Variants in SORCS3 observed in about 807,000 individuals in gnomAD.
SORCS3 encodes VPS10 domain-containing receptor SorCS3.
Under a neutral mutation model 146.3 loss-of-function variants are expected in SORCS3, and 57 were observed. The observed-to-expected ratio is 0.39, with a 90% CI of 0.31 to 0.49. SORCS3 has a LOEUF of 0.49. Among genes scored for constraint, SORCS3 ranks in the 20% least tolerant of loss-of-function variants. SORCS3 has a pLI of 0.92. For synonymous variants in SORCS3, 653 were observed against 618.5 expected (o/e 1.06, Z -0.83); for missense variants, 1,341 against 1,575.5 (o/e 0.85, Z 2.52).
intron 4 of SORCS3, among the ~76,000 whole-genome samples, chr10:105,021,677 A>G (rs978389867): frequency 2.6e-5 from 4 of 152,164 alleles, no homozygotes; most frequent in African/African-American, 9.7e-5. Context: ...CGCATAATAT[A>G]ACATCCATCT....
rs141168763 is a variant in SORCS3, at chr10:105,223,164, A to G, written c.2783A>G (p.Asn928Ser). Reference protein sequence around the residue: ...HLRVPFVAIRNKEVNISAVVW... With the variant: ...HLRVPFVAIRSKEVNISAVVW... ...CGAGTTCCATTTGTTGCCATAAGAA[A>G]TAAGGAGGTCAACATCAGTGCAGTC... The change falls in exon 20 of 27, where the codon AAT (asparagine) becomes AGT (serine). Residue 928 changes from asparagine (N) to serine (S), a missense_variant. By Grantham distance (46) the Asn-to-Ser change is conservative. Coordinates refer to ENST00000369701, the MANE Select transcript of SORCS3 (RefSeq NM_014978.3). The G allele has an allele frequency of 6.2e-7, 1 of 1,613,178 alleles. No homozygotes were observed. Among genetic ancestry groups the G allele is most frequent in the Non-Finnish European group, 8.5e-7 (1 of 1,179,274 alleles).
chr10:104,953,748 C>CT (rs2019458376), intron 3 of SORCS3, among the ~76,000 whole-genome samples: 1 of 152,180 alleles, frequency 6.6e-6, no homozygotes. Flanking sequence ...TTAGACGTAT[C>CT]TATTAACATC....
At chr10:104,984,083 G>A (rs150078757) in intron 4 of SORCS3, among the ~76,000 whole-genome samples, 7 of 152,154 alleles carry the variant, frequency 4.6e-5, no homozygotes, top group African/African-American at 7.2e-5. Context: ...GCCACTCTCC[G>A]TCAAGGTCAT....
chr10:104,724,338 G>A (rs938749227), intron 1 of SORCS3, among the ~76,000 whole-genome samples: 3 of 152,182 alleles, frequency 2.0e-5, no homozygotes, highest in Admixed American at 2.0e-4. Flanking sequence ...TTTCTGCCGA[G>A]AGATCAGCTG....
intron 1 of SORCS3, among the ~76,000 whole-genome samples, chr10:104,842,205 A>T (rs1230485902): frequency 6.6e-6 from 1 of 152,216 alleles, no homozygotes; most frequent in African/African-American, 2.4e-5. Context: ...TGCTTACTCC[A>T]TAGTAGTGGG....
At chr10:105,074,466 C>T (rs577645502) in intron 5 of SORCS3, among the ~76,000 whole-genome samples, 8 of 152,270 alleles carry the variant, frequency 5.3e-5, no homozygotes, top group East Asian at 1.9e-4. Flanking sequence ...CTTCAAGAAA[C>T]GTGTAGTCTA....
chr10:104,688,466 C>CT (rs398014703), intron 1 of SORCS3, among the ~76,000 whole-genome samples: 74 of 838 alleles, frequency 0.088, no homozygotes, highest in Non-Finnish European at 0.41. Context: ...TGCCAGCCAG[C>CT]GTGGGCAGAG....
chr10:105,252,246 C>T (rs1160737241), intron 22 of SORCS3, among the ~76,000 whole-genome samples: 1 of 152,172 alleles, frequency 6.6e-6, no homozygotes, highest in Non-Finnish European at 1.5e-5. Flanking sequence ...CAATATGTAT[C>T]AATTTCTAGC....
chr10:104,718,290 G>A (rs1376141037), intron 1 of SORCS3, among the ~76,000 whole-genome samples: 7 of 152,148 alleles, frequency 4.6e-5, no homozygotes, highest in Admixed American at 4.6e-4. Context: ...ATGGCAGAAG[G>A]TAGAAAGGCA....
intron 1 of SORCS3, among the ~76,000 whole-genome samples, chr10:104,690,101 G>C (rs1296209868): frequency 6.6e-6 from 1 of 152,198 alleles, no homozygotes; most frequent in Non-Finnish European, 1.5e-5. Context: ...TCGGCTCTGG[G>C]TCTGGCTCAC....
chr10:104,922,310 G>A (rs1310084096), intron 3 of SORCS3, among the ~76,000 whole-genome samples: 1 of 152,212 alleles, frequency 6.6e-6, no homozygotes, highest in Non-Finnish European at 1.5e-5. Flanking sequence ...ATTTTAGGCT[G>A]TTGAACAATC....
chr10:104,709,661 A>C (rs1302210794), intron 1 of SORCS3, among the ~76,000 whole-genome samples: 1 of 152,200 alleles, frequency 6.6e-6, no homozygotes, highest in Non-Finnish European at 1.5e-5. Flanking sequence ...ACAAGGTCAC[A>C]ACAGCTAGTA....
intron 4 of SORCS3, among the ~76,000 whole-genome samples, chr10:105,001,610 T>G (rs774253655): frequency 6.6e-6 from 1 of 152,218 alleles, no homozygotes; most frequent in Non-Finnish European, 1.5e-5. Context: ...TTCAGCTTCA[T>G]GCTTACCCTT....
intron 9 of SORCS3, among the ~76,000 whole-genome samples, chr10:105,150,502 G>T (rs1291239748): frequency 6.6e-6 from 1 of 152,102 alleles, no homozygotes; most frequent in East Asian, 1.9e-4. Flanking sequence ...CAGTCCTTTT[G>T]CCCTGGGGAG....
At chr10:105,118,110 A>G (rs372258291) in intron 7 of SORCS3, among the ~76,000 whole-genome samples, 1 of 152,110 alleles carries the variant, frequency 6.6e-6, no homozygotes, top group African/African-American at 2.4e-5. Flanking sequence ...GCCAAATCTC[A>G]TCTTGAATTA....
In SORCS3 at chr10:104,642,046, G is replaced by A. The variant is rs2015427609; in HGVS notation, c.627+92G>A. The A allele has an allele frequency of 3.6e-6, 5 of 1,402,090 alleles. No individual in the cohort carries two copies. The East Asian group carries it at 1.3e-4, about 36-fold the overall frequency. The allele number at this position is 1,402,090 out of a possible 1,614,324, so 86.9% of individuals were successfully genotyped here. ...GGAGCGAGGGACAGATAGTTGCTCGGGGGTCGAGGCGGGGGACGCCTCGAC... is the reference window on the plus strand; with the variant it reads ...GGAGCGAGGGACAGATAGTTGCTCGAGGGTCGAGGCGGGGGACGCCTCGAC... On this transcript the variant is annotated intron_variant, in intron 1 of 26. Transcript: ENST00000369701.
At chr10:104,986,103 A>G (rs562200049) in intron 4 of SORCS3, among the ~76,000 whole-genome samples, 2 of 152,338 alleles carry the variant, frequency 1.3e-5, no homozygotes, top group African/African-American at 4.8e-5. Flanking sequence ...CTGTCTTCCA[A>G]TAGAAGGCTG....
intron 7 of SORCS3, among the ~76,000 whole-genome samples, chr10:105,107,098 A>T (rs980095207): frequency 9.2e-5 from 14 of 152,198 alleles, no homozygotes; most frequent in Non-Finnish European, 1.9e-4. Context: ...ACATTCCACA[A>T]GTAAAACAGA....
At chr10:105,048,294 A>G (rs949307856) in intron 5 of SORCS3, among the ~76,000 whole-genome samples, 1 of 146,936 alleles carries the variant, frequency 6.8e-6, no homozygotes, top group African/African-American at 2.5e-5. Flanking sequence ...CAAATGTCCA[A>G]CAGGGATAGA....
Sources: gnomAD v4.1 joint callset for allele counts (sites outside exome capture counted in the v4.1 genomes callset) on GRCh38, gnomAD v4.1.1 for gene constraint, MANE v1.5 for transcripts, NCBI Gene and HGNC (gene_info 2026-07-23, HGNC 2026-07-21) for gene names.